KCTD16: variants seen among roughly 807,000 people sequenced by gnomAD.
KCTD16 encodes the protein BTB/POZ domain-containing protein KCTD16.
Under a neutral mutation model 33.2 loss-of-function variants are expected in KCTD16, and 13 were observed. The observed-to-expected ratio is 0.39, with a 90% CI of 0.25 to 0.62. The LOEUF (loss-of-function observed/expected upper bound fraction) is 0.62, where lower values mean the gene tolerates loss of function less well. Ranked by LOEUF, KCTD16 falls within the 20% of genes least tolerant of loss-of-function variation. The probability of loss-of-function intolerance (pLI) is 0.50; values close to 1 mark genes in which losing one functional copy is unlikely to be tolerated. For missense variants in KCTD16, 441 were observed against 525.1 expected (o/e 0.84, Z 1.57); for synonymous variants, 197 against 195.3 (o/e 1.01, Z -0.07).
chr5:144,384,769 A>G (rs1054409013), intron 3 of KCTD16, among the ~76,000 whole-genome samples: 6 of 152,194 alleles, frequency 3.9e-5, no homozygotes, highest in African/African-American at 1.4e-4. Flanking sequence ...ATATTGGACA[A>G]TTTTTAGGGT....
chr5:144,457,891 G>T (rs541606219), intron 3 of KCTD16, among the ~76,000 whole-genome samples: 6 of 152,118 alleles, frequency 3.9e-5, no homozygotes, highest in Non-Finnish European at 8.8e-5. Flanking sequence ...GTCTTATACC[G>T]TAACTGGTGC....
intron 3 of KCTD16, among the ~76,000 whole-genome samples, chr5:144,280,739 A>G (rs1163047547): frequency 6.6e-6 from 1 of 152,214 alleles, no homozygotes; most frequent in Non-Finnish European, 1.5e-5. Flanking sequence ...CCTGGCTAAC[A>G]TGGTGAAACC....
At chr5:144,292,474 T>A (rs1331115003) in intron 3 of KCTD16, among the ~76,000 whole-genome samples, 1 of 151,726 alleles carries the variant, frequency 6.6e-6, no homozygotes, top group African/African-American at 2.4e-5. Flanking sequence ...TAAGATGAAA[T>A]TTTTTTTTCA....
At chr5:144,445,682 G>T (rs1249107159) in intron 3 of KCTD16, among the ~76,000 whole-genome samples, 1 of 151,468 alleles carries the variant, frequency 6.6e-6, no homozygotes, top group Admixed American at 6.6e-5. Flanking sequence ...AAACATAGTT[G>T]CTTGCTTCCT....
At position 144,299,126 on chromosome 5, in the gene KCTD16, ATATATATATATATATATATATATTTTTT is replaced by A. The variant is rs1561558632; in HGVS notation, c.832+91582_832+91609del. ...TATATATATATATATATATATATAT[ATATATATATATATATATATATATTTTTT>A]TTTTTTTTTTTAACCTGTCACTGAG... On this transcript the variant is annotated intron_variant, in intron 3 of 3. Coordinates refer to ENST00000512467, the MANE Select transcript of KCTD16 (RefSeq NM_020768.4). Among the ~76,000 whole-genome samples, 14 of 23,816 alleles carry A rather than the reference ATATATATATATATATATATATATTTTTT, an allele frequency of 5.9e-4. 3 individuals carry two copies. The highest frequency in any genetic ancestry group is 4.8e-3 in the African/African-American group (10 of 2,084). The allele number at this position is 23,816 out of a possible 152,430, so 15.6% of individuals were successfully genotyped here.
At chr5:144,360,201 T>A (rs1306215868) in intron 3 of KCTD16, among the ~76,000 whole-genome samples, 1 of 152,124 alleles carries the variant, frequency 6.6e-6, no homozygotes, top group Non-Finnish European at 1.5e-5. Flanking sequence ...CATCAACCCA[T>A]CATCTACATT....
chr5:144,410,505 G>A (rs1256556243), intron 3 of KCTD16, among the ~76,000 whole-genome samples: 1 of 152,002 alleles, frequency 6.6e-6, no homozygotes, highest in Non-Finnish European at 1.5e-5. Flanking sequence ...ATGGACTATA[G>A]AAACTAATAC....
At position 144,200,347 on chromosome 5, in the gene KCTD16, A is replaced by G. The variant is rs567962060; in HGVS notation, c.-326-6042A>G. Reference sequence around the variant, plus strand: ...GAAATGACTTGGCTGAACATCTGCTATGAAGCTTTTATCTGAATCTGAGGC... The same window carrying G: ...GAAATGACTTGGCTGAACATCTGCTGTGAAGCTTTTATCTGAATCTGAGGC... On this transcript the variant is annotated intron_variant, in intron 2 of 3. Coordinates refer to ENST00000512467, the MANE Select transcript of KCTD16 (RefSeq NM_020768.4). Among the ~76,000 whole-genome samples, 19 of 152,294 alleles carry G rather than the reference A, an allele frequency of 1.2e-4. No individual in the cohort carries two copies. The South Asian group carries it at 2.9e-3, about 23-fold the overall frequency.
chr5:144,334,341 A>C (rs1251010682), intron 3 of KCTD16, among the ~76,000 whole-genome samples: 1 of 152,146 alleles, frequency 6.6e-6, no homozygotes, highest in African/African-American at 2.4e-5. Context: ...GATCTTGACC[A>C]ATCACTTGAC....
At chr5:144,434,324 C>G (rs1049880229) in intron 3 of KCTD16, among the ~76,000 whole-genome samples, 1 of 151,920 alleles carries the variant, frequency 6.6e-6, no homozygotes, top group African/African-American at 2.4e-5. Context: ...GAGGTAGTCA[C>G]GTGCTTTTTA....
chr5:144,310,604 A>T (rs1172861265), intron 3 of KCTD16, among the ~76,000 whole-genome samples: 3 of 151,566 alleles, frequency 2.0e-5, no homozygotes, highest in South Asian at 2.1e-4. Flanking sequence ...ATATATATAT[A>T]TTTTTTGATC....
chr5:144,228,226 A>AC (rs1753993121), intron 3 of KCTD16, among the ~76,000 whole-genome samples: 2 of 152,298 alleles, frequency 1.3e-5, no homozygotes, highest in South Asian at 4.1e-4. Context: ...TTGAAGAGGA[A>AC]CCTACAAAGG....
Position 144,200,508 on chromosome 5 carries a change from G to A in KCTD16, c.-326-5881G>A, listed in dbSNP as rs914515300. On this transcript the variant is annotated intron_variant, in intron 2 of 3. Coordinates refer to ENST00000512467, the MANE Select transcript of KCTD16 (RefSeq NM_020768.4). Reference sequence around the variant, plus strand: ...GCCTTCTTCATCTGTTTCTTACATAGCAAATTACTTCCTAGAATGTCTGAA... The same window carrying A: ...GCCTTCTTCATCTGTTTCTTACATAACAAATTACTTCCTAGAATGTCTGAA... Among the ~76,000 whole-genome samples the A allele has an allele frequency of 5.9e-5, 9 of 152,242 alleles. No individual in the cohort carries two copies. In the South Asian group the frequency reaches 1.7e-3, roughly 28 times the overall value.
chr5:144,461,643 A>T (rs1754197604), intron 3 of KCTD16, among the ~76,000 whole-genome samples: 1 of 152,126 alleles, frequency 6.6e-6, no homozygotes, highest in Non-Finnish European at 1.5e-5. Flanking sequence ...CACAGTAATG[A>T]TCTGGTCGCT....
At chr5:144,332,467 G>C (rs547394998) in intron 3 of KCTD16, among the ~76,000 whole-genome samples, 1 of 152,246 alleles carries the variant, frequency 6.6e-6, no homozygotes, top group Admixed American at 6.5e-5. Flanking sequence ...CTCTCTACCT[G>C]ACAGTAGCAG....
At chr5:144,268,826 A>G (rs1755218533) in intron 3 of KCTD16, among the ~76,000 whole-genome samples, 1 of 152,184 alleles carries the variant, frequency 6.6e-6, no homozygotes, top group Non-Finnish European at 1.5e-5. Flanking sequence ...ACACAGAACT[A>G]AAGAAAGATG....
intron 3 of KCTD16, among the ~76,000 whole-genome samples, chr5:144,409,060 AC>A (rs1204594112): frequency 4.6e-5 from 7 of 152,060 alleles, no homozygotes; most frequent in Admixed American, 2.0e-4. Context: ...TCTCTTATTC[AC>A]CCATATATCC....
intron 3 of KCTD16, among the ~76,000 whole-genome samples, chr5:144,419,033 G>A (rs920957396): frequency 6.6e-6 from 1 of 152,088 alleles, no homozygotes; most frequent in African/African-American, 2.4e-5. Context: ...GTTTCTCATT[G>A]CTATTATCCT....
chr5:144,325,962 C>T (rs1433228215), intron 3 of KCTD16, among the ~76,000 whole-genome samples: 1 of 151,912 alleles, frequency 6.6e-6, no homozygotes, highest in Non-Finnish European at 1.5e-5. Flanking sequence ...ACTATGTATT[C>T]CATTTCATTT....
Sources: gnomAD v4.1 joint callset for allele counts (sites outside exome capture counted in the v4.1 genomes callset) on GRCh38, gnomAD v4.1.1 for gene constraint, MANE v1.5 for transcripts, NCBI Gene and HGNC (gene_info 2026-07-23, HGNC 2026-07-21) for gene names.